LRIF1: variants seen among roughly 807,000 people sequenced by gnomAD.
LRIF1 encodes the protein ligand dependent nuclear receptor interacting factor 1.
In LRIF1, 32 loss-of-function variants were observed where a neutral mutation model predicts 52.7. The observed-to-expected ratio is 0.61, with a 90% CI of 0.46 to 0.82. The LOEUF (loss-of-function observed/expected upper bound fraction) is 0.82, where lower values mean the gene tolerates loss of function less well. Among genes scored for constraint, LRIF1 ranks in the 40% least tolerant of loss-of-function variants. The pLI, the probability that LRIF1 is intolerant of heterozygous loss-of-function variation, is 0.00. For synonymous variants in LRIF1, 323 were observed against 317.4 expected (o/e 1.02, Z -0.19); for missense variants, 887 against 892.0 (o/e 0.99, Z 0.07).
At chr1:110,925,678 A>T in the LRIF1 span, among the ~76,000 whole-genome samples, 1 of 152,174 alleles carries the variant, frequency 6.6e-6, no homozygotes, top group African/African-American at 2.4e-5. Context: ...GAAAGGGATA[A>T]ACAAAACCAT....
downstream of LRIF1, chr1:110,944,049 C>T (rs1025258570): frequency 1.3e-5 from 2 of 152,164 alleles, no homozygotes; most frequent in African/African-American, 4.8e-5. Flanking sequence ...AAAAGGATCA[C>T]TCTGACTGTT....
chr1:110,962,023 C>T (rs1324493499), intron 1 of LRIF1, among the ~76,000 whole-genome samples: 1 of 149,984 alleles, frequency 6.7e-6, no homozygotes, highest in Non-Finnish European at 1.5e-5. Flanking sequence ...ATCTCCAAAT[C>T]CCCAAAAGGA....
Position 110,949,904 on chromosome 1 carries a change from T to C in LRIF1, c.1816A>G (p.Ser606Gly), listed in dbSNP as rs1239239504. 6 of 1,614,032 alleles carry C rather than the reference T, an allele frequency of 3.7e-6. No individual in the cohort carries two copies. In the East Asian group the frequency reaches 1.1e-4, roughly 30 times the overall value. ...GFDSFSSLVKSGTYKETEFMV... is the reference protein window; with the variant it reads ...GFDSFSSLVKGGTYKETEFMV... ...AACTCTGTCTCTTTGTAAGTACCAC[T>C]CTTTACCAAACTGCTAAAGGAATCG... Residue 606 changes from serine (S) to glycine (G), a missense_variant, in exon 3 of 4, where the codon AGT becomes GGT. Physicochemically the swap from Ser to Gly is moderately conservative, Grantham distance 56. Transcript: ENST00000369763.
At chr1:110,960,990 C>A (rs576503498) in intron 1 of LRIF1, among the ~76,000 whole-genome samples, 3 of 152,284 alleles carry the variant, frequency 2.0e-5, no homozygotes, top group African/African-American at 7.2e-5. Flanking sequence ...GCAAACAGAA[C>A]CCTTAAGAGC....
chr1:110,889,574 A>ATAAG, the LRIF1 span, among the ~76,000 whole-genome samples: 4 of 151,778 alleles, frequency 2.6e-5, no homozygotes, highest in African/African-American at 9.7e-5. Flanking sequence ...AAATAAATAA[A>ATAAG]TAAATAAATA....
At chr1:110,960,310 T>C (rs965458892) in intron 1 of LRIF1, among the ~76,000 whole-genome samples, 1 of 151,388 alleles carries the variant, frequency 6.6e-6, no homozygotes, top group East Asian at 1.9e-4. Context: ...GACTCTATAG[T>C]ATGTGTGTCT....
the LRIF1 span, chr1:110,892,707 G>T: frequency 1.6e-6 from 1 of 607,240 alleles, no homozygotes; most frequent in Non-Finnish European, 2.9e-6. Context: ...TATGACTAGG[G>T]TCCCACGGAC....
chr1:110,893,777 A>G, the LRIF1 span, among the ~76,000 whole-genome samples: 1 of 152,378 alleles, frequency 6.6e-6, no homozygotes, highest in African/African-American at 2.4e-5. Context: ...TGGGGTAAAA[A>G]AGGTGAAGGA....
At chr1:110,925,237 A>G in the LRIF1 span, among the ~76,000 whole-genome samples, 1 of 152,144 alleles carries the variant, frequency 6.6e-6, no homozygotes, top group African/African-American at 2.4e-5. Flanking sequence ...GAAGGCCTTA[A>G]GAAAAACAAA....
the LRIF1 span, among the ~76,000 whole-genome samples, chr1:110,900,436 G>A: frequency 2.6e-5 from 4 of 152,160 alleles, no homozygotes; most frequent in Non-Finnish European, 4.4e-5. Flanking sequence ...GCACAATCTC[G>A]GCTCACTGCA....
rs370053182 is a variant in LRIF1, at chr1:110,949,812, G to C, written c.1869+39C>G. The C allele has an allele frequency of 3.3e-5, 52 of 1,568,588 alleles. No homozygotes were observed. In the African/African-American group the frequency reaches 6.5e-4, roughly 20 times the overall value. On this transcript the variant is annotated intron_variant, in intron 3 of 3. Transcript: ENST00000369763. Reference sequence around the variant, plus strand: ...GAAAAGTAATATTCATGTATCATTTGTAGTACCTATGAAGAGCACATTAAA... The same window carrying C: ...GAAAAGTAATATTCATGTATCATTTCTAGTACCTATGAAGAGCACATTAAA...
chr1:110,934,831 C>T, the LRIF1 span, among the ~76,000 whole-genome samples: 1 of 152,122 alleles, frequency 6.6e-6, no homozygotes, highest in Non-Finnish European at 1.5e-5. Flanking sequence ...TGTAGAGTCC[C>T]AGGGCCTTAA....
the LRIF1 span, among the ~76,000 whole-genome samples, chr1:110,926,520 T>C: frequency 5.3e-5 from 8 of 152,042 alleles, no homozygotes; most frequent in Non-Finnish European, 1.2e-4. Context: ...CTGTTTTTAA[T>C]ATATCAAAAG....
In LRIF1 at chr1:110,947,437, G is replaced by A. The variant is rs1228981462; in HGVS notation, c.*522C>T. ...AGAAATGTTTGAATGTTTAAATAAT[G>A]TTGCCATAATACATATTATTTCACG... On this transcript the variant is annotated 3_prime_UTR_variant, in exon 4 of 4. Coordinates refer to ENST00000369763, the MANE Select transcript of LRIF1 (RefSeq NM_018372.4). 6.6e-6 allele frequency: 1 copy of A among 152,034 alleles called. No homozygotes were observed. Among genetic ancestry groups the A allele is most frequent in the Non-Finnish European group, 1.5e-5 (1 of 68,044 alleles). 9.4% of individuals were successfully genotyped at this position (152,034 alleles called of 1,614,324 possible). A position where few individuals can be genotyped will look rare whatever the true frequency, so the allele number is the denominator to read the frequency against.
the LRIF1 span, among the ~76,000 whole-genome samples, chr1:110,903,878 T>C: frequency 6.6e-6 from 1 of 152,200 alleles, no homozygotes; most frequent in African/African-American, 2.4e-5. Flanking sequence ...GGACCTGCCC[T>C]GGGCCAGAAG....
At chr1:110,950,600 C>T (rs1658429318) in intron 2 of LRIF1, among the ~76,000 whole-genome samples, 1 of 151,566 alleles carries the variant, frequency 6.6e-6, no homozygotes, top group Non-Finnish European at 1.5e-5. Flanking sequence ...AAGATGGGTA[C>T]AAATATCTAG....
At chr1:110,961,078 C>A (rs947130644) in intron 1 of LRIF1, among the ~76,000 whole-genome samples, 2 of 152,194 alleles carry the variant, frequency 1.3e-5, no homozygotes, top group Non-Finnish European at 2.9e-5. Flanking sequence ...TTTACCAGTT[C>A]TCTGCATAAG....
At chr1:110,886,043 G>A in the LRIF1 span, among the ~76,000 whole-genome samples, 1 of 152,044 alleles carries the variant, frequency 6.6e-6, no homozygotes, top group East Asian at 1.9e-4. Context: ...TTGTAGTATG[G>A]ATCTACTGAT....
chr1:110,951,139 G>T, intron 2 of LRIF1, 149 bp downstream of exon 2: 1 of 636,030 alleles, frequency 1.6e-6, no homozygotes, highest in South Asian at 2.4e-5. Flanking sequence ...TCAGATGGAA[G>T]TTTTGACTTA....
Sources: gnomAD v4.1 joint callset for allele counts (sites outside exome capture counted in the v4.1 genomes callset) on GRCh38, gnomAD v4.1.1 for gene constraint, MANE v1.5 for transcripts, NCBI Gene and HGNC (gene_info 2026-07-23, HGNC 2026-07-21) for gene names.